Variants in SAMSN1 observed in about 807,000 individuals in gnomAD.
SAMSN1 encodes the protein SAM domain-containing protein SAMSN-1.
Under a neutral mutation model 42.0 loss-of-function variants are expected in SAMSN1, and 31 were observed. The ratio of observed to expected loss-of-function variants is 0.74; its 90% CI spans 0.55 to 1.00. SAMSN1 has a LOEUF of 1.00. Ranked by LOEUF, SAMSN1 falls within the 50% of genes least tolerant of loss-of-function variation. SAMSN1 has a pLI of 0.00. For synonymous variants in SAMSN1, 178 were observed against 151.9 expected, an observed-to-expected ratio of 1.17 and a Z score of -1.26; for missense variants, 464 against 439.4, an observed-to-expected ratio of 1.06 and a Z score of -0.50.
rs61217333 is a variant in SAMSN1 at position 14,507,838 on chromosome 21, TAA to T, written c.561+2470_561+2471del. On this transcript the variant is annotated intron_variant, in intron 5 of 7. Coordinates refer to ENST00000400566, the MANE Select transcript of SAMSN1 (RefSeq NM_022136.5). Reference sequence around the variant, plus strand: ...AGTCACCAAAACAGCATGGTACTGGTAAAAAAAAAAAAAATAGGCACATAGAC... The same window carrying T: ...AGTCACCAAAACAGCATGGTACTGGTAAAAAAAAAAAATAGGCACATAGAC... Among the ~76,000 whole-genome samples, 696 of 142,662 alleles carry T rather than the reference TAA, an allele frequency of 4.9e-3. 1 individual carries two copies. The highest frequency in any genetic ancestry group is 0.043 in the Middle Eastern group (12 of 280). The allele number at this position is 142,662 out of a possible 152,430, so 93.6% of individuals were successfully genotyped here. A position where few individuals can be genotyped will look rare whatever the true frequency, so the allele number is the denominator to read the frequency against.
chr21:14,637,962 G>A (rs1435830734), intron 2 of SAMSN1, among the ~76,000 whole-genome samples: 1 of 152,282 alleles, frequency 6.6e-6, no homozygotes, highest in East Asian at 1.9e-4. Flanking sequence ...TTTGAGTGTA[G>A]TGACACCAAT....
At chr21:14,502,836 G>A (rs115765421) in intron 5 of SAMSN1, among the ~76,000 whole-genome samples, 1,580 of 152,136 alleles carry the variant, frequency 0.01, 27 homozygotes, top group African/African-American at 0.037. Flanking sequence ...GCATGGAAGG[G>A]ATCAAGAGAA....
chr21:14,546,786 T>C (rs1980417340), upstream of SAMSN1, among the ~76,000 whole-genome samples: 1 of 152,084 alleles, frequency 6.6e-6, no homozygotes, highest in Admixed American at 6.5e-5. Context: ...CTCGGCTCAC[T>C]GCAACCTCCA....
At chr21:14,534,358 T>C (rs2123108188) in intron 1 of SAMSN1, among the ~76,000 whole-genome samples, 1 of 152,230 alleles carries the variant, frequency 6.6e-6, no homozygotes, top group East Asian at 1.9e-4. Flanking sequence ...ATCCCAGGGA[T>C]GCAAATATGA....
At chr21:14,645,349 T>C (rs1243842682) in intron 1 of SAMSN1, among the ~76,000 whole-genome samples, 1 of 152,192 alleles carries the variant, frequency 6.6e-6, no homozygotes, top group African/African-American at 2.4e-5. Flanking sequence ...GAGAAAGTAA[T>C]AAAAGAGAAC....
chr21:14,564,390 G>T (rs1981044151), intron 2 of SAMSN1, among the ~76,000 whole-genome samples: 1 of 152,176 alleles, frequency 6.6e-6, no homozygotes, highest in African/African-American at 2.4e-5. Flanking sequence ...ATCTGCTATA[G>T]ATTACTGCAT....
At chr21:14,643,064 T>C (rs1568841428) in exon 2 of SAMSN1, 4 of 717,394 alleles carry the variant, frequency 5.6e-6, no homozygotes, top group Non-Finnish European at 1.0e-5. Flanking sequence ...GAATCAGTTC[T>C]ACTAGACATG....
intron 2 of SAMSN1, among the ~76,000 whole-genome samples, chr21:14,575,271 T>C (rs1489640661): frequency 6.6e-6 from 1 of 152,232 alleles, no homozygotes; most frequent in African/African-American, 2.4e-5. Context: ...TAAAATTTCA[T>C]CATGTAAAAT....
chr21:14,523,048 G>A (rs1053509960), intron 1 of SAMSN1, among the ~76,000 whole-genome samples: 6 of 152,082 alleles, frequency 3.9e-5, no homozygotes, highest in Admixed American at 2.6e-4. Context: ...CCCTGGTCAG[G>A]AACTGATTTT....
chr21:14,517,303 G>A (rs1163538486), intron 2 of SAMSN1, among the ~76,000 whole-genome samples: 1 of 152,086 alleles, frequency 6.6e-6, no homozygotes, highest in African/African-American at 2.4e-5. Flanking sequence ...AGAGAATTTT[G>A]ACTATTTTTT....
At chr21:14,615,628 AT>A (rs2123332155) in intron 3 of SAMSN1, among the ~76,000 whole-genome samples, 2 of 152,278 alleles carry the variant, frequency 1.3e-5, no homozygotes, top group East Asian at 3.9e-4. Context: ...TTGCAAACAC[AT>A]TTTTATGTGG....
chr21:14,526,032 AT>A (rs1180348402), intron 1 of SAMSN1, among the ~76,000 whole-genome samples: 1 of 151,558 alleles, frequency 6.6e-6, no homozygotes, highest in Admixed American at 6.6e-5. Context: ...CGCCCAGCTA[AT>A]TTTTTTGTAT....
intron 2 of SAMSN1, among the ~76,000 whole-genome samples, chr21:14,575,281 T>C (rs1354996374): frequency 6.6e-6 from 1 of 152,214 alleles, no homozygotes; most frequent in Non-Finnish European, 1.5e-5. Context: ...TCATGTAAAA[T>C]TGTCATAATT....
At chr21:14,518,705 C>G (rs2123024479) in intron 2 of SAMSN1, among the ~76,000 whole-genome samples, 1 of 152,260 alleles carries the variant, frequency 6.6e-6, no homozygotes, top group South Asian at 2.1e-4. Flanking sequence ...CCCAAATTGC[C>G]TATGATAAAT....
At chr21:14,529,664 A>G (rs1323662138) in intron 1 of SAMSN1, among the ~76,000 whole-genome samples, 3 of 152,218 alleles carry the variant, frequency 2.0e-5, no homozygotes, top group Non-Finnish European at 2.9e-5. Context: ...AAACCATAAG[A>G]GCTAAATAGA....
intron 6 of SAMSN1, 127 bp from the exon 7 acceptor site, chr21:14,498,719 C>A (rs377534917): frequency 1.6e-6 from 1 of 623,928 alleles, no homozygotes. Flanking sequence ...TTTTACTTAA[C>A]TTCACTTGTA....
At chr21:14,649,816 C>CACACACAG in intron 1 of SAMSN1, among the ~76,000 whole-genome samples, 1 of 145,550 alleles carries the variant, frequency 6.9e-6, no homozygotes, top group East Asian at 2.0e-4. Flanking sequence ...CACACACACA[C>CACACACAG]AGAAAGAGAG....
chr21:14,593,539 T>C (rs545554009), intron 7 of SAMSN1, among the ~76,000 whole-genome samples: 26 of 152,030 alleles, frequency 1.7e-4, no homozygotes, highest in Middle Eastern at 6.8e-3. Context: ...ACAGAGATAC[T>C]TTTTAAAAAA....
At chr21:14,556,706 T>TA (rs1326068004) in intron 2 of SAMSN1, among the ~76,000 whole-genome samples, 1 of 152,220 alleles carries the variant, frequency 6.6e-6, no homozygotes, top group Admixed American at 6.5e-5. Context: ...CTCGGAAGCC[T>TA]ACCTGCATTC....
Sources: gnomAD v4.1 joint callset for allele counts (sites outside exome capture counted in the v4.1 genomes callset) on GRCh38, gnomAD v4.1.1 for gene constraint, MANE v1.5 for transcripts, NCBI Gene and HGNC (gene_info 2026-07-23, HGNC 2026-07-21) for gene names.